BAIAP2L1: variants seen among roughly 807,000 people sequenced by gnomAD.
BAIAP2L1 encodes the protein BAR/IMD domain containing adaptor protein 2 like 1.
BAIAP2L1 carries 35 observed loss-of-function variants against 66.3 expected under a neutral mutation model. The observed-to-expected ratio is 0.53, with a 90% CI of 0.40 to 0.70. The LOEUF (loss-of-function observed/expected upper bound fraction) is 0.70, where lower values mean the gene tolerates loss of function less well. Ranked by LOEUF, BAIAP2L1 falls within the 30% of genes least tolerant of loss-of-function variation. The pLI is 0.00. For synonymous variants in BAIAP2L1, 269 were observed against 248.7 expected (o/e 1.08, Z -0.77); for missense variants, 622 against 656.9 (o/e 0.95, Z 0.58).
chr7:98,369,663 ATTTTTTTT>A (rs71112146), intron 1 of BAIAP2L1, among the ~76,000 whole-genome samples: 208 of 103,846 alleles, frequency 2.0e-3, no homozygotes, highest in African/African-American at 8.2e-3. Flanking sequence ...TGATTTCCTA[ATTTTTTTT>A]TTTTTTTTTT....
At chr7:98,382,066 C>T (rs1387527130) in intron 1 of BAIAP2L1, among the ~76,000 whole-genome samples, 3 of 151,800 alleles carry the variant, frequency 2.0e-5, no homozygotes, top group Admixed American at 6.6e-5. Context: ...GCTGGGACTA[C>T]AGGCGCCTGC....
At chr7:98,300,441 T>A (rs1562964057) in intron 12 of BAIAP2L1, among the ~76,000 whole-genome samples, 1 of 152,218 alleles carries the variant, frequency 6.6e-6, no homozygotes, top group Non-Finnish European at 1.5e-5. Context: ...CTCCCCGCAA[T>A]GCTTTTGCAG....
Position 98,400,881 on chromosome 7 carries a change from G to T in BAIAP2L1, c.-29C>A, listed in dbSNP as rs1251057738. 2.0e-6 allele frequency: 3 copies of T among 1,533,740 alleles called. 1 individual carries two copies. The South Asian group carries it at 3.6e-5, about 18-fold the overall frequency. On this transcript the variant is annotated 5_prime_UTR_variant, in exon 1 of 14. Transcript: ENST00000005260. ...TGCGGCCGCCGGGCGAGCAAGCGCG[G>T]GAGGACGCGGCTGGGCCTCGTGGCC... is the stretch of plus-strand genomic sequence containing the variant.
intron 1 of BAIAP2L1, among the ~76,000 whole-genome samples, chr7:98,375,034 C>T (rs956008635): frequency 6.6e-6 from 1 of 151,960 alleles, no homozygotes; most frequent in Non-Finnish European, 1.5e-5. Flanking sequence ...TTTCAATGAG[C>T]CGAGATTGTG....
intron 1 of BAIAP2L1, among the ~76,000 whole-genome samples, chr7:98,387,265 G>C (rs1218219285): frequency 1.3e-5 from 2 of 152,112 alleles, no homozygotes; most frequent in African/African-American, 4.8e-5. Flanking sequence ...TATAAACTCT[G>C]GATGGGCACA....
rs552311803 is a variant in BAIAP2L1, at chr7:98,359,236, T to C, written c.127+3121A>G. On this transcript the variant is annotated intron_variant, in intron 2 of 13. Coordinates refer to ENST00000005260, the MANE Select transcript of BAIAP2L1 (RefSeq NM_018842.5). ...CCACGCCCCAGCAGTGTGCCACCCA[T>C]GCCAGTGTGGACCCCAGGTCCTGGC... Among the ~76,000 whole-genome samples the C allele has an allele frequency of 4.0e-5, 6 of 151,514 alleles. No homozygotes were observed. The East Asian group carries it at 7.8e-4, about 20-fold the overall frequency.
At chr7:98,294,213 G>C in intron 12 of BAIAP2L1, 102 bp from the exon 13 acceptor site, 2 of 1,235,068 alleles carry the variant, frequency 1.6e-6, no homozygotes, top group Non-Finnish European at 2.3e-6. Flanking sequence ...GGCTGGTTTC[G>C]AACTCCTGAG....
intron 1 of BAIAP2L1, among the ~76,000 whole-genome samples, chr7:98,378,674 C>T (rs760243771): frequency 2.0e-5 from 3 of 151,994 alleles, no homozygotes; most frequent in Non-Finnish European, 4.4e-5. Context: ...CTTGCTCTGT[C>T]GCGCAGCCTG....
intron 1 of BAIAP2L1, among the ~76,000 whole-genome samples, chr7:98,393,036 T>TAC (rs1030707812): frequency 7.9e-6 from 1 of 126,712 alleles, no homozygotes; most frequent in African/African-American, 3.0e-5. Flanking sequence ...CACATATATA[T>TAC]ACATATATAC....
intron 3 of BAIAP2L1, 57 bp downstream of exon 3, chr7:98,354,985 T>C: frequency 7.4e-7 from 1 of 1,348,612 alleles, no homozygotes; most frequent in Non-Finnish European, 1.1e-6. Flanking sequence ...CACGCGTTTC[T>C]CTTGGGGTTC....
intron 1 of BAIAP2L1, among the ~76,000 whole-genome samples, chr7:98,362,680 A>G (rs531843968): frequency 4.7e-4 from 72 of 152,296 alleles, no homozygotes; most frequent in African/African-American, 1.3e-3. Context: ...GGAATCTGCT[A>G]TAAGCGGAGC....
chr7:98,377,857 G>A (rs1802669827), intron 1 of BAIAP2L1, among the ~76,000 whole-genome samples: 1 of 147,936 alleles, frequency 6.8e-6, no homozygotes, highest in South Asian at 2.2e-4. Flanking sequence ...GCCAGGTGTG[G>A]TGGCTCACAC....
chr7:98,358,216 T>A (rs975028496), intron 2 of BAIAP2L1, among the ~76,000 whole-genome samples: 2 of 152,210 alleles, frequency 1.3e-5, no homozygotes, highest in African/African-American at 4.8e-5. Flanking sequence ...TTTGCTATGA[T>A]GATAAAGTTA....
intron 1 of BAIAP2L1, among the ~76,000 whole-genome samples, chr7:98,391,298 T>C (rs1178894625): frequency 6.6e-6 from 1 of 152,166 alleles, no homozygotes; most frequent in African/African-American, 2.4e-5. Flanking sequence ...TGGTAATATT[T>C]TTTCTTCTAT....
chr7:98,326,912 C>T (rs1801391470), intron 3 of BAIAP2L1, among the ~76,000 whole-genome samples: 1 of 151,944 alleles, frequency 6.6e-6, no homozygotes, highest in Non-Finnish European at 1.5e-5. Flanking sequence ...GATCAGACAA[C>T]ACCTTCAATG....
intron 1 of BAIAP2L1, among the ~76,000 whole-genome samples, chr7:98,381,250 C>T (rs767696789): frequency 6.6e-6 from 1 of 152,056 alleles, no homozygotes; most frequent in Non-Finnish European, 1.5e-5. Context: ...TTCTAAAAGG[C>T]GGGGTTTCCT....
chr7:98,302,177 G>A (rs736753), intron 12 of BAIAP2L1, among the ~76,000 whole-genome samples: 4 of 151,998 alleles, frequency 2.6e-5, no homozygotes, highest in African/African-American at 9.7e-5. Context: ...TTACAACCAG[G>A]CTTCTTCCAT....
At chr7:98,370,934 A>T (rs531247326) in intron 1 of BAIAP2L1, among the ~76,000 whole-genome samples, 74 of 152,286 alleles carry the variant, frequency 4.9e-4, no homozygotes, top group African/African-American at 1.6e-3. Flanking sequence ...CAGAATCTAT[A>T]AAGTTTTATA....
At chr7:98,323,696 T>C (rs1801308188) in intron 3 of BAIAP2L1, among the ~76,000 whole-genome samples, 1 of 152,202 alleles carries the variant, frequency 6.6e-6, no homozygotes, top group Non-Finnish European at 1.5e-5. Context: ...GAAGCAGCTC[T>C]TTCACTCTGC....
Sources: gnomAD v4.1 joint callset for allele counts (sites outside exome capture counted in the v4.1 genomes callset) on GRCh38, gnomAD v4.1.1 for gene constraint, MANE v1.5 for transcripts, NCBI Gene and HGNC (gene_info 2026-07-23, HGNC 2026-07-21) for gene names.